Variants in ZNF385C observed in about 807,000 individuals in gnomAD.
ZNF385C encodes the protein zinc finger protein 385C.
ZNF385C carries 28 observed loss-of-function variants against 35.4 expected under a neutral mutation model. The observed-to-expected ratio is 0.79, with a 90% CI of 0.59 to 1.08. The LOEUF (loss-of-function observed/expected upper bound fraction) is 1.08. ZNF385C is among the 50% of genes least tolerant of loss of function. The probability of loss-of-function intolerance (pLI) is 0.00; values close to 1 mark genes in which losing one functional copy is unlikely to be tolerated. For synonymous variants in ZNF385C, 248 were observed against 248.2 expected (o/e 1.00, Z 0.01); for missense variants, 605 against 595.6 (o/e 1.02, Z -0.16).
intron 2 of ZNF385C, 61 bp downstream of exon 2, chr17:42,062,746 G>A: frequency 2.0e-6 from 1 of 498,574 alleles, no homozygotes; most frequent in Non-Finnish European, 3.6e-6. Flanking sequence ...CCCTCAGAGG[G>A]GCCCAGACAG....
At chr17:42,043,020 G>C in intron 2 of ZNF385C, 3 of 1,232,304 alleles carry the variant, frequency 2.4e-6, no homozygotes, top group Non-Finnish European at 2.0e-6. Flanking sequence ...CCACCTTGAC[G>C]CCCCTGGAGG....
chr17:42,053,474 G>A (rs557244207), intron 2 of ZNF385C, among the ~76,000 whole-genome samples: 11 of 150,084 alleles, frequency 7.3e-5, no homozygotes, highest in Non-Finnish European at 1.3e-4. Flanking sequence ...CCCCTCGGAC[G>A]TCTCCCCCTC....
intron 1 of ZNF385C, among the ~76,000 whole-genome samples, chr17:42,083,707 CTTTTTTTT>C (rs59612634): frequency 1.0e-4 from 5 of 49,940 alleles, no homozygotes; most frequent in East Asian, 7.6e-4. Context: ...CTTTTCAAGT[CTTTTTTTT>C]TTTTTTTTTT....
chr17:42,050,833 A>C lies in ZNF385C; in HGVS notation c.250+11974T>G, dbSNP rs1555657057. Among the ~76,000 whole-genome samples, 2 of 151,668 alleles carry C rather than the reference A, an allele frequency of 1.3e-5. No homozygotes were observed. Among genetic ancestry groups the C allele is most frequent in the Non-Finnish European group, 1.5e-5 (1 of 67,846 alleles). On this transcript the variant is annotated intron_variant, in intron 2 of 8. Transcript: ENST00000692273. The surrounding 1 kb of genome is among the most constrained non-coding windows in gnomAD (Gnocchi z 5.6). ...CAGCAGGAGCCAGAGGCTAGACCGC[A>C]GGCAGCGCGGTGCCGGGGTTCATTC... is the stretch of plus-strand genomic sequence containing the variant.
chr17:42,037,768 G>T lies in ZNF385C; in HGVS notation c.368C>A (p.Ala123Asp), dbSNP rs2052894757. 6.5e-7 allele frequency: 1 copy of T among 1,537,116 alleles called. No individual in the cohort carries two copies. The highest frequency in any genetic ancestry group is 8.8e-7 in the Non-Finnish European group (1 of 1,141,072). ...HLLAFHFNGAAPLSLFPNFST... is the reference protein window; with the variant it reads ...HLLAFHFNGADPLSLFPNFST... ...GAAGTTGGGGAAGAGACTGAGCGGG[G>T]CAGCGCCATTGAAGTGGAAGGCGAG... Residue 123 changes from alanine (A) to aspartate (D), a missense_variant, in exon 3 of 9, where the codon GCC (alanine) becomes GAC (aspartate). Coordinates refer to ENST00000692273, the MANE Select transcript of ZNF385C (RefSeq NM_001392013.1).
intron 2 of ZNF385C, among the ~76,000 whole-genome samples, chr17:42,047,015 G>A (rs1253600518): frequency 1.0e-3 from 150 of 143,986 alleles, no homozygotes; most frequent in African/African-American, 3.7e-3. Context: ...GGCACATGCC[G>A]CCATGCCCGG....
chr17:42,034,472 G>A, intron 3 of ZNF385C, 137 bp from the exon 4 acceptor site: 2 of 632,784 alleles, frequency 3.2e-6, no homozygotes, highest in Non-Finnish European at 5.5e-6. Context: ...TTTCCATCCT[G>A]TGGATGTTGG....
rs2052639700 is a variant in ZNF385C at position 42,028,174 on chromosome 17, CT to C, written c.1039del (p.Arg347GlyfsTer40). ...CTTGGCTTTGTGTCCGGCACCTCCCCTGGACACCGGGCGGCCCCGGCTCCTC... is the reference window on the plus strand; with the variant it reads ...CTTGGCTTTGTGTCCGGCACCTCCCCGGACACCGGGCGGCCCCGGCTCCTC... ...PRRSRGRPVS[R>X]GGAGHKAKRV... On this transcript the variant is annotated frameshift_variant, in exon 7 of 9. Transcript: ENST00000692273. LOFTEE classifies it high-confidence loss of function. 2.5e-6 allele frequency: 4 copies of C among 1,602,984 alleles called. No individual in the cohort carries two copies. The highest frequency in any genetic ancestry group is 3.4e-6 in the Non-Finnish European group (4 of 1,175,456).
chr17:42,054,802 G>C (rs935821420), intron 2 of ZNF385C, among the ~76,000 whole-genome samples: 11 of 151,886 alleles, frequency 7.2e-5, no homozygotes, highest in African/African-American at 1.9e-4. Context: ...GGGTGATCTC[G>C]AACTCCTGAC....
intron 1 of ZNF385C, among the ~76,000 whole-genome samples, chr17:42,085,929 A>G (rs1160795354): frequency 6.6e-6 from 1 of 151,964 alleles, no homozygotes; most frequent in Non-Finnish European, 1.5e-5. Flanking sequence ...TTAGCCAGGC[A>G]TGGTGGCACA....
chr17:42,081,238 A>G (rs1555659686), intron 1 of ZNF385C, among the ~76,000 whole-genome samples: 11 of 152,120 alleles, frequency 7.2e-5, no homozygotes. Context: ...GGGCTTGCAG[A>G]AGACCAGCAC....
intron 3 of ZNF385C, among the ~76,000 whole-genome samples, chr17:42,035,118 C>CAAAAA (rs1239388932): frequency 4.9e-5 from 4 of 81,454 alleles, no homozygotes; most frequent in African/African-American, 5.0e-5. Context: ...GACTCTGTCT[C>CAAAAA]AAAAAAAAAA....
In ZNF385C at chr17:42,081,837, A is replaced by G. The variant is rs192308167; in HGVS notation, c.-3+16573T>C. 5.3e-3 allele frequency among the ~76,000 whole-genome samples: 809 copies of G among 152,306 alleles called. 2 individuals are homozygous for G. Among genetic ancestry groups the G allele is most frequent in the Non-Finnish European group, 7.8e-3 (531 of 68,012 alleles). On this transcript the variant is annotated intron_variant, in intron 1 of 8. Transcript: ENST00000692273. ...ACCTGAGGAGCTTGTCCGGCATCCT[A>G]GGCTGGGCTCCACCCCCAGGGGTTC... is the stretch of plus-strand genomic sequence containing the variant.
intron 2 of ZNF385C, among the ~76,000 whole-genome samples, chr17:42,046,240 C>T (rs538287662): frequency 3.9e-5 from 6 of 151,994 alleles, no homozygotes; most frequent in African/African-American, 9.7e-5. Context: ...TTTCATATCT[C>T]GTAAGTCCCT....
At chr17:42,076,519 G>T (rs373972096) in intron 1 of ZNF385C, among the ~76,000 whole-genome samples, 7 of 152,320 alleles carry the variant, frequency 4.6e-5, no homozygotes, top group African/African-American at 1.7e-4. Flanking sequence ...CTACTCAGGA[G>T]GCTGAGGCAG....
chr17:42,052,736 A>G (rs938915259), intron 2 of ZNF385C, among the ~76,000 whole-genome samples: 2 of 152,206 alleles, frequency 1.3e-5, no homozygotes, highest in East Asian at 3.8e-4. Context: ...AGATGCATGT[A>G]CACAAAGAGC....
At position 42,028,087 on chromosome 17, in the gene ZNF385C, C is replaced by A; in HGVS notation, c.1127G>T (p.Cys376Phe). 1 of 1,613,826 alleles carries A rather than the reference C, an allele frequency of 6.2e-7. No individual in the cohort carries two copies. The highest frequency in any genetic ancestry group is 8.5e-7 in the Non-Finnish European group (1 of 1,179,920). Residue 376 changes from cysteine (C) to phenylalanine (F), a missense_variant, in exon 7 of 9, where the codon TGT becomes TTT. Physicochemically the swap from Cys to Phe is radical, Grantham distance 205 (BLOSUM62 -2). Transcript: ENST00000692273. ...GGTCTCTGAATTGACCTGGAGCTGA[C>A]AGAGAGCACAGTGGAAGGCAGGGCT... Reference protein sequence around the residue: ...GPSPAFHCALCQLQVNSETQL... With the variant: ...GPSPAFHCALFQLQVNSETQL...
chr17:42,026,685 G>A lies in ZNF385C; in HGVS notation c.*212C>T. 3.3e-6 allele frequency: 2 copies of A among 608,808 alleles called. No homozygotes were observed. The highest frequency in any genetic ancestry group is 2.9e-5 in the Admixed American group (1 of 34,790). 37.7% of individuals were successfully genotyped at this position (608,808 alleles called of 1,614,324 possible). A position where few individuals can be genotyped will look rare whatever the true frequency, so the allele number is the denominator to read the frequency against. ...CTGTCAGGGTGGGAAATGCAGGCAA[G>A]CCTAGGATTAACCCTGGAAGGCCTG... On this transcript the variant is annotated 3_prime_UTR_variant, in exon 9 of 9. Coordinates refer to ENST00000692273, the MANE Select transcript of ZNF385C (RefSeq NM_001392013.1).
chr17:42,057,362 G>T (rs1441631773), intron 2 of ZNF385C, among the ~76,000 whole-genome samples: 1 of 152,178 alleles, frequency 6.6e-6, no homozygotes, highest in African/African-American at 2.4e-5. Context: ...CTGGGGGTAG[G>T]TCATTGCTCC....
Sources: allele counts gnomAD v4.1 joint callset (sites outside exome capture counted in the v4.1 genomes callset), GRCh38; gene constraint gnomAD v4.1.1; non-coding constraint Gnocchi (gnomAD v3.1); transcripts MANE v1.5; gene names NCBI Gene and HGNC (gene_info 2026-07-23, HGNC 2026-07-21).